The following RBFOX3 variants were observed in gnomAD, a reference collection of about 807,000 sequenced individuals.
RBFOX3 encodes RNA binding fox-1 homolog 3, also known as RNA binding protein fox-1 homolog 3.
A neutral mutation model predicts 48.7 loss-of-function variants in RBFOX3; 17 were observed. The ratio of observed to expected loss-of-function variants is 0.35; its 90% confidence interval spans 0.24 to 0.52. The LOEUF (loss-of-function observed/expected upper bound fraction) is 0.52, where lower values mean the gene tolerates loss of function less well. RBFOX3 is among the 20% of genes least tolerant of loss of function. The probability of loss-of-function intolerance (pLI) is 0.94; values close to 1 mark genes in which losing one functional copy is unlikely to be tolerated. For missense variants in RBFOX3, 382 were observed against 497.5 expected (o/e 0.77, Z 2.21); for synonymous variants, 212 against 209.5 (o/e 1.01, Z -0.10).
chr17:79,101,698 A>T, intron 8 of RBFOX3, 54 bp from the exon 9 acceptor site: 1 of 1,480,224 alleles, frequency 6.8e-7, no homozygotes, highest in Non-Finnish European at 9.2e-7. Flanking sequence ...CTCCTGGAAG[A>T]CCCACTGGCC....
At chr17:79,355,941 T>G (rs1021295006) in intron 2 of RBFOX3, among the ~76,000 whole-genome samples, 1 of 152,252 alleles carries the variant, frequency 6.6e-6, no homozygotes, top group East Asian at 1.9e-4. Flanking sequence ...CTCTGCTAAA[T>G]GTTTGACATC....
At chr17:79,621,830 C>A in the RBFOX3 span, among the ~76,000 whole-genome samples, 2 of 151,984 alleles carry the variant, frequency 1.3e-5, no homozygotes, top group African/African-American at 4.8e-5. Context: ...ACAAAGGCAG[C>A]AGCTGCTGGT....
chr17:79,495,622 A>AGGGGGGC, intron 1 of RBFOX3, among the ~76,000 whole-genome samples: 1 of 20,028 alleles, frequency 5.0e-5, no homozygotes, highest in African/African-American at 2.7e-4. Context: ...GAGGTGGGGG[A>AGGGGGGC]AAGGGTACTG....
At chr17:79,124,924 G>A (rs114874554) in intron 4 of RBFOX3, among the ~76,000 whole-genome samples, 2 of 151,842 alleles carry the variant, frequency 1.3e-5, no homozygotes, top group East Asian at 1.9e-4. Context: ...TTGTCTCGGG[G>A]GGAGCCCAGT....
chr17:79,379,908 G>A (rs556155891), intron 2 of RBFOX3, among the ~76,000 whole-genome samples: 7 of 152,264 alleles, frequency 4.6e-5, no homozygotes, highest in African/African-American at 1.2e-4. Flanking sequence ...CTGCATGTGC[G>A]TCCTGCAGCT....
chr17:79,157,865 G>A (rs1284523936), intron 4 of RBFOX3, among the ~76,000 whole-genome samples: 1 of 152,204 alleles, frequency 6.6e-6, no homozygotes, highest in Non-Finnish European at 1.5e-5. Flanking sequence ...GTCTGGAGAC[G>A]CAGCACAGGG....
At chr17:79,600,175 C>T (rs1455366260) in intron 1 of RBFOX3, 1 of 152,254 alleles carries the variant, frequency 6.6e-6, no homozygotes, top group Non-Finnish European at 1.5e-5. Context: ...AGCACCAGTA[C>T]CAATACATGA....
At chr17:79,628,653 C>T in the RBFOX3 span, among the ~76,000 whole-genome samples, 1 of 152,198 alleles carries the variant, frequency 6.6e-6, no homozygotes, top group South Asian at 2.1e-4. Flanking sequence ...TATCTTGCTG[C>T]ACCTTCCATC....
At chr17:79,647,609 G>A in the RBFOX3 span, among the ~76,000 whole-genome samples, 3 of 152,134 alleles carry the variant, frequency 2.0e-5, no homozygotes, top group Admixed American at 2.0e-4. Flanking sequence ...CCGGGAGCCT[G>A]GGGCCATCCC....
the RBFOX3 span, among the ~76,000 whole-genome samples, chr17:79,662,365 G>A: frequency 3.0e-4 from 45 of 151,794 alleles, no homozygotes; most frequent in Admixed American, 1.3e-3. Flanking sequence ...CTTGTGATCC[G>A]CCCACCTCAG....
chr17:79,475,935 A>G (rs2077676405), intron 2 of RBFOX3, among the ~76,000 whole-genome samples: 4 of 152,200 alleles, frequency 2.6e-5, no homozygotes, highest in Admixed American at 2.6e-4. Context: ...GGTGAGAACG[A>G]AGAGCTATCG....
the RBFOX3 span, among the ~76,000 whole-genome samples, chr17:79,659,740 T>C: frequency 3.3e-5 from 5 of 152,176 alleles, no homozygotes; most frequent in African/African-American, 1.2e-4. Context: ...ATAATTAGTA[T>C]AGGCTCAATG....
rs2033792687 is a variant in RBFOX3, at chr17:79,115,876, C to T, written c.-33-128G>A. 9.4e-6 allele frequency: 5 copies of T among 529,624 alleles called. No homozygotes were observed. In the South Asian group the frequency reaches 1.2e-4, roughly 13 times the overall value. 32.8% of individuals were successfully genotyped at this position (529,624 alleles called of 1,614,324 possible). The stretch of plus-strand genomic sequence containing the variant: ...TTCAGCAGCCTTTCCCCGGCCCCTC[C>T]AAGGGGGGCTCGCCGGCATGGGCAC... On this transcript the variant is annotated intron_variant, in intron 4 of 14. Coordinates refer to ENST00000693108, the MANE Select transcript of RBFOX3 (RefSeq NM_001350451.2).
intron 1 of RBFOX3, among the ~76,000 whole-genome samples, chr17:79,551,248 A>G (rs935618430): frequency 1.3e-5 from 2 of 152,030 alleles, no homozygotes; most frequent in African/African-American, 4.8e-5. Flanking sequence ...CCTCTCCCCC[A>G]GCCCCTGGTT....
intron 2 of RBFOX3, among the ~76,000 whole-genome samples, chr17:79,430,884 G>A (rs548469438): frequency 1.3e-5 from 2 of 152,164 alleles, no homozygotes; most frequent in East Asian, 1.9e-4. Context: ...CCAAAAGACT[G>A]TCATAAGATC....
intron 1 of RBFOX3, among the ~76,000 whole-genome samples, chr17:79,549,919 GT>G (rs1256286523): frequency 6.6e-6 from 1 of 152,182 alleles, no homozygotes; most frequent in African/African-American, 2.4e-5. Flanking sequence ...AAACCTTCAT[GT>G]TCTGGGAAGA....
At chr17:79,338,610 CA>C (rs2081566887) in intron 2 of RBFOX3, among the ~76,000 whole-genome samples, 1 of 152,192 alleles carries the variant, frequency 6.6e-6, no homozygotes, top group Non-Finnish European at 1.5e-5. Flanking sequence ...TGGTTTTCAG[CA>C]AACTATACTC....
chr17:79,289,006 C>T (rs1272710599), intron 3 of RBFOX3, among the ~76,000 whole-genome samples: 1 of 152,040 alleles, frequency 6.6e-6, no homozygotes, highest in Non-Finnish European at 1.5e-5. Flanking sequence ...GGGTGGGAAT[C>T]TTGCATCCAT....
chr17:79,199,632 TTTAA>T lies in RBFOX3; in HGVS notation c.-34+36130_-34+36133del, dbSNP rs148924919. 6.7e-3 allele frequency among the ~76,000 whole-genome samples: 1,014 copies of T among 152,334 alleles called. 12 individuals carry two copies. Among genetic ancestry groups the T allele is most frequent in the African/African-American group, 0.023 (968 of 41,574 alleles). On this transcript the variant is annotated intron_variant, in intron 4 of 14. Transcript: ENST00000693108. This position sits in a 1 kb window ranked among gnomAD's most constrained non-coding sequence, Gnocchi z 5.1. ...ATGCTCTCAAAGAAGTCCCCAAAGC[TTTAA>T]TTAAACTCCAATAAAAGTGAGGCTC...
Sources: allele counts gnomAD v4.1 joint callset (sites outside exome capture counted in the v4.1 genomes callset), GRCh38; gene constraint gnomAD v4.1.1; non-coding constraint Gnocchi (gnomAD v3.1); transcripts MANE v1.5; gene names NCBI Gene and HGNC (gene_info 2026-07-23, HGNC 2026-07-21).